IL1RAPL1: variants seen among roughly 807,000 people sequenced by gnomAD.
IL1RAPL1 encodes interleukin 1 receptor accessory protein like 1, also known as interleukin-1 receptor accessory protein-like 1.
A neutral mutation model predicts 48.4 loss-of-function variants in IL1RAPL1; 3 were observed. That is an observed-to-expected ratio of 0.06 (90% CI 0.03 to 0.16). The LOEUF is 0.16. IL1RAPL1 is among the 10% of genes least tolerant of loss of function. The probability of loss-of-function intolerance (pLI) is 1.00; values close to 1 mark genes in which losing one functional copy is unlikely to be tolerated. For missense variants in IL1RAPL1, 349 were observed against 530.6 expected (o/e 0.66, Z 3.36); for synonymous variants, 185 against 187.7 (o/e 0.99, Z 0.12).
At chrX:29,514,141 C>T (rs6630889) in intron 5 of IL1RAPL1, among the ~76,000 whole-genome samples, 48,378 of 110,226 alleles carry the variant, frequency 0.44, 7,689 homozygotes, top group East Asian at 0.7. Flanking sequence ...TATAATTTAT[C>T]GTAAAAATTA....
chrX:29,529,259 A>G (rs1371757609), intron 5 of IL1RAPL1, among the ~76,000 whole-genome samples: 1 of 111,624 alleles, frequency 9.0e-6, no homozygotes, highest in Non-Finnish European at 1.9e-5. Context: ...TATAAAGAAT[A>G]TTATTTGATC....
intron 2 of IL1RAPL1, among the ~76,000 whole-genome samples, chrX:29,156,557 T>C (rs1312910555): frequency 2.7e-5 from 3 of 111,698 alleles, no homozygotes; most frequent in Non-Finnish European, 3.8e-5. Flanking sequence ...CATCATGGAA[T>C]ACGAATCACA....
chrX:28,820,231 G>C (rs1282765789), intron 2 of IL1RAPL1, among the ~76,000 whole-genome samples: 1 of 108,150 alleles, frequency 9.2e-6, no homozygotes, highest in East Asian at 2.9e-4. Context: ...CTCCACTGTG[G>C]AACCAGTGGG....
At chrX:28,831,026 CTGTGTGTGTGTGTGTGTGTGTGTGTGTG>C (rs57923954) in intron 2 of IL1RAPL1, among the ~76,000 whole-genome samples, 4 of 33,641 alleles carry the variant, frequency 1.2e-4, no homozygotes, top group Admixed American at 4.7e-4. Context: ...CTCTCTCTCT[CTGTGTGTGTGTGTGTGTGTGTGTGTGTG>C]TGTGTGTGTG....
At chrX:29,576,043 T>C (rs576683813) in intron 5 of IL1RAPL1, among the ~76,000 whole-genome samples, 3 of 112,189 alleles carry the variant, frequency 2.7e-5, no homozygotes, top group African/African-American at 9.7e-5. Flanking sequence ...TGAATGATAT[T>C]TCTCTACTCT....
chrX:29,693,120 C>A (rs73454540), intron 6 of IL1RAPL1, among the ~76,000 whole-genome samples: 11,635 of 111,645 alleles, frequency 0.1, 1,128 homozygotes, highest in African/African-American at 0.3. Flanking sequence ...CCTGTGATGA[C>A]AAAGAAGGGA....
chrX:28,598,217 G>T (rs1257191463), intron 1 of IL1RAPL1, among the ~76,000 whole-genome samples: 1 of 112,078 alleles, frequency 8.9e-6, no homozygotes, highest in Non-Finnish European at 1.9e-5. Context: ...GAACTCTTTT[G>T]CTAACTACCA....
At chrX:28,857,878 T>G (rs755101647) in intron 2 of IL1RAPL1, among the ~76,000 whole-genome samples, 2 of 111,954 alleles carry the variant, frequency 1.8e-5, no homozygotes, top group African/African-American at 3.2e-5. Flanking sequence ...GCTATAGATC[T>G]GCTATAGCTG....
intron 2 of IL1RAPL1, among the ~76,000 whole-genome samples, chrX:29,002,611 TTTAC>T (rs1925882206): frequency 9.0e-6 from 1 of 111,341 alleles, no homozygotes; most frequent in Non-Finnish European, 1.9e-5. Flanking sequence ...TATTTTTGTT[TTTAC>T]TTAAGAGTTT....
At chrX:29,128,046 G>A (rs758637538) in intron 2 of IL1RAPL1, among the ~76,000 whole-genome samples, 7 of 110,098 alleles carry the variant, frequency 6.4e-5, no homozygotes, top group Non-Finnish European at 1.3e-4. Context: ...AAGAATTGTC[G>A]CATTTTCATG....
intron 2 of IL1RAPL1, among the ~76,000 whole-genome samples, chrX:28,816,824 C>T (rs1936876637): frequency 9.0e-6 from 1 of 110,501 alleles, no homozygotes; most frequent in Non-Finnish European, 1.9e-5. Flanking sequence ...CCACAAGCTG[C>T]TTTCCACAGT....
intron 6 of IL1RAPL1, among the ~76,000 whole-genome samples, chrX:29,694,986 C>A (rs1926872704): frequency 1.9e-5 from 1 of 54,039 alleles, no homozygotes; most frequent in Non-Finnish European, 3.3e-5. Context: ...ATAACTTCTC[C>A]AGGTGGAGAA....
chrX:29,367,741 AG>A (rs780715510), intron 3 of IL1RAPL1, among the ~76,000 whole-genome samples: 110 of 108,305 alleles, frequency 1.0e-3, no homozygotes, highest in African/African-American at 3.4e-3. Context: ...CCACCACGCC[AG>A]GCAAATTTTT....
chrX:29,580,117 G>T (rs6526894), intron 5 of IL1RAPL1, among the ~76,000 whole-genome samples: 31,886 of 105,643 alleles, frequency 0.3, 3,636 homozygotes, highest in South Asian at 0.48. Flanking sequence ...CTTTTTACTG[G>T]TATTTTCCCT....
rs777243204 is a variant in IL1RAPL1, at chrX:29,655,330, T to C, written c.704-13100T>C. 1.3e-4 allele frequency among the ~76,000 whole-genome samples: 15 copies of C among 111,811 alleles called. No homozygotes were observed. The East Asian group carries it at 3.7e-3, about 27-fold the overall frequency. The stretch of plus-strand genomic sequence containing the variant: ...TTGCTCATAATCAGGAAAAATATGG[T>C]GTCTAGTAGAAACCATGTTGGAAAA... On this transcript the variant is annotated intron_variant, in intron 5 of 10. Transcript: ENST00000378993.
intron 2 of IL1RAPL1, among the ~76,000 whole-genome samples, chrX:29,237,426 T>A (rs1931330861): frequency 8.9e-6 from 1 of 112,620 alleles, no homozygotes; most frequent in Non-Finnish European, 1.9e-5. Flanking sequence ...CCTTGATATG[T>A]CAACATGGGA....
At chrX:28,726,302 G>A (rs1166467202) in intron 1 of IL1RAPL1, among the ~76,000 whole-genome samples, 1 of 112,129 alleles carries the variant, frequency 8.9e-6, no homozygotes, top group Non-Finnish European at 1.9e-5. Context: ...GAAATCAATA[G>A]GGATAAGGGG....
chrX:29,573,317 G>C (rs978179370), intron 5 of IL1RAPL1, among the ~76,000 whole-genome samples: 1 of 112,605 alleles, frequency 8.9e-6, no homozygotes, highest in Non-Finnish European at 1.9e-5. Context: ...GAAAGAATTT[G>C]AAAAGGAAAG....
At chrX:29,346,261 A>G (rs1383576266) in intron 3 of IL1RAPL1, among the ~76,000 whole-genome samples, 3 of 112,578 alleles carry the variant, frequency 2.7e-5, no homozygotes, top group Non-Finnish European at 3.7e-5. Context: ...TTTGCCATGT[A>G]AGGTAAAACA....
Sources: gnomAD v4.1 joint callset for allele counts (sites outside exome capture counted in the v4.1 genomes callset) on GRCh38, gnomAD v4.1.1 for gene constraint, MANE v1.5 for transcripts, NCBI Gene and HGNC (gene_info 2026-07-23, HGNC 2026-07-21) for gene names.